The following LGALSL variants were observed in gnomAD, a reference collection of about 807,000 sequenced individuals.
LGALSL encodes the protein galectin-related protein.
In LGALSL, 13 loss-of-function variants were observed where a neutral mutation model predicts 19.5. That is an observed-to-expected ratio of 0.67 (90% CI 0.43 to 1.06). The LOEUF (loss-of-function observed/expected upper bound fraction) is 1.06, where lower values mean the gene tolerates loss of function less well. Ranked by LOEUF, LGALSL falls within the 50% of genes least tolerant of loss-of-function variation. The pLI, the probability that LGALSL is intolerant of heterozygous loss-of-function variation, is 0.00. For missense variants in LGALSL, 189 were observed against 219.3 expected (o/e 0.86, Z 0.87); for synonymous variants, 86 against 78.3 (o/e 1.10, Z -0.52).
At position 64,456,438 on chromosome 2, in the gene LGALSL, T is replaced by C; in HGVS notation, c.348T>C (p.Phe116=). The C allele has an allele frequency of 1.3e-6, 2 of 1,597,274 alleles. No homozygotes were observed. The highest frequency in any genetic ancestry group is 1.7e-6 in the Non-Finnish European group (2 of 1,171,254). The change falls in exon 4 of 5, where the codon TTT becomes TTC. Residue 116 remains phenylalanine (F), a synonymous_variant. Coordinates refer to ENST00000238875, the MANE Select transcript of LGALSL (RefSeq NM_014181.3). ...RGEEQSAIPY[F]PFIPDQPFRV... Reference sequence around the variant, plus strand: ...AAGAACAGTCAGCAATCCCTTACTTTCCATTCATTCCAGACCAGCCATTCA... The same window carrying C: ...AAGAACAGTCAGCAATCCCTTACTTCCCATTCATTCCAGACCAGCCATTCA...
intron 3 of LGALSL, 159 bp from the exon 4 acceptor site, chr2:64,456,129 C>A: frequency 1.7e-6 from 1 of 577,280 alleles, no homozygotes; most frequent in Non-Finnish European, 3.0e-6. Context: ...ACAAAATAAG[C>A]TGGTTTGACT....
intron 4 of LGALSL, among the ~76,000 whole-genome samples, chr2:64,457,296 C>T (rs1228850366): frequency 6.6e-6 from 1 of 151,836 alleles, no homozygotes; most frequent in African/African-American, 2.4e-5. Context: ...TGGTGTCACA[C>T]ACCTGTAGTC....
rs1254414386 is a variant in LGALSL, at chr2:64,454,395, GGCCCCGGGCGCGCGCGCGCGC to G, written c.-145_-125del. The G allele has an allele frequency of 1.8e-5, 7 of 383,746 alleles. No individual in the cohort carries two copies. The highest frequency in any genetic ancestry group is 3.8e-5 in the East Asian group (1 of 26,364). 23.8% of individuals were successfully genotyped at this position (383,746 alleles called of 1,614,324 possible). A position where few individuals can be genotyped will look rare whatever the true frequency, so the allele number is the denominator to read the frequency against. On this transcript the variant is annotated 5_prime_UTR_variant, in exon 1 of 5. Transcript: ENST00000238875. This position sits in a 1 kb window ranked among gnomAD's most constrained non-coding sequence, Gnocchi z 5.1. The stretch of plus-strand genomic sequence containing the variant: ...GGCTCTGCCTGCCAGGTCGGCGCCG[GGCCCCGGGCGCGCGCGCGCGC>G]GCCCCCTCGTGTGTGCGCGCGCCCG...
chr2:64,460,554 A>G lies in LGALSL; in HGVS notation c.*2126A>G, dbSNP rs534814972. 8 of 152,356 alleles carry G rather than the reference A, an allele frequency of 5.3e-5. No individual in the cohort carries two copies. The highest frequency in any genetic ancestry group is 1.9e-4 in the African/African-American group (8 of 41,588). 9.4% of individuals were successfully genotyped at this position (152,356 alleles called of 1,614,324 possible). ...GACACGCTTATTCTGTCTACCTATC[A>G]GCTAACTCATTAGCAGCCAAGCCCT... On this transcript the variant is annotated 3_prime_UTR_variant, in exon 5 of 5. Coordinates refer to ENST00000238875, the MANE Select transcript of LGALSL (RefSeq NM_014181.3).
Position 64,458,342 on chromosome 2 carries a change from T to C in LGALSL, c.433T>C (p.Phe145Leu). 6.2e-7 allele frequency: 1 copy of C among 1,614,068 alleles called. No individual in the cohort carries two copies. Among genetic ancestry groups the C allele is most frequent in the Non-Finnish European group, 8.5e-7 (1 of 1,179,922 alleles). ...AGTGTTTGTGGATGGACACCAACTT[T>C]TTGATTTTTACCATCGCATTCAAAC... ...FRVFVDGHQL[F>L]DFYHRIQTLS... Residue 145 changes from phenylalanine to leucine, a missense_variant, in exon 5 of 5, where the codon TTT (phenylalanine) becomes CTT (leucine). Phe to Leu is a conservative substitution (Grantham distance 22, BLOSUM62 0). This residue lies in a region of LGALSL where 106 missense variants were observed against 119.3 expected (regional missense o/e 0.89). Transcript: ENST00000238875.
At chr2:64,456,946 C>T (rs968570472) in intron 4 of LGALSL, among the ~76,000 whole-genome samples, 2 of 152,094 alleles carry the variant, frequency 1.3e-5, no homozygotes, top group African/African-American at 4.8e-5. Context: ...CTTGTTTCCC[C>T]CTCTGGATTA....
Position 64,459,486 on chromosome 2 carries a change from A to G in LGALSL, c.*1058A>G, listed in dbSNP as rs1017953822. ...AATAACTTACTTGGAAGTAATTTAT[A>G]TCAACTTAAGCTGTTAGCTCATTGT... On this transcript the variant is annotated 3_prime_UTR_variant, in exon 5 of 5. Coordinates refer to ENST00000238875, the MANE Select transcript of LGALSL (RefSeq NM_014181.3). 6.6e-6 allele frequency: 1 copy of G among 152,242 alleles called. No individual in the cohort carries two copies. The highest frequency in any genetic ancestry group is 2.4e-5 in the African/African-American group (1 of 41,464). 9.4% of individuals were successfully genotyped at this position (152,242 alleles called of 1,614,324 possible).
In LGALSL at chr2:64,455,372, C is replaced by G. The variant is rs751380532; in HGVS notation, c.65C>G (p.Ser22Cys). 1.2e-6 allele frequency: 2 copies of G among 1,613,816 alleles called. No homozygotes were observed. The highest frequency in any genetic ancestry group is 1.7e-6 in the Non-Finnish European group (2 of 1,179,784). Residue 22 changes from serine (S) to cysteine (C), a missense_variant, in exon 2 of 5, where the codon TCT becomes TGT. By Grantham distance (112) the Ser-to-Cys change is moderately radical. Transcript: ENST00000238875. Reference sequence around the variant, plus strand: ...CTAGATGATGGCCATTTAAACAACTCTTTGAGCTCTCCAGTTCAAGCGGAC... The same window carrying G: ...CTAGATGATGGCCATTTAAACAACTGTTTGAGCTCTCCAGTTCAAGCGGAC... ...VKLDDGHLNN[S>C]LSSPVQADVY...
At position 64,458,219 on chromosome 2, in the gene LGALSL, G is replaced by A. The variant is rs1016877452; in HGVS notation, c.376-66G>A. On this transcript the variant is annotated intron_variant, in intron 4 of 4. Coordinates refer to ENST00000238875, the MANE Select transcript of LGALSL (RefSeq NM_014181.3). ...GATACTGCCTTTCTTTCTCTAAAAT[G>A]AAGTATTGTTTGTTTTCCCCAGTAG... is the stretch of plus-strand genomic sequence containing the variant. The A allele has an allele frequency of 1.5e-5, 22 of 1,432,314 alleles. No individual in the cohort carries two copies. In the South Asian group the frequency reaches 1.8e-4, roughly 12 times the overall value. The allele number at this position is 1,432,314 out of a possible 1,614,324, so 88.7% of individuals were successfully genotyped here. A position where few individuals can be genotyped will look rare whatever the true frequency, so the allele number is the denominator to read the frequency against.
chr2:64,454,510 C>CGAGG lies in LGALSL; in HGVS notation c.-36_-35insGAGG. ...CAGCCCCGGGATCCCCGCCCGCGCGCCGCGTCCCACGTACCCCGCCGCGCC... is the reference window on the plus strand; with the variant it reads ...CAGCCCCGGGATCCCCGCCCGCGCGCGAGGCGCGTCCCACGTACCCCGCCGCGCC... On this transcript the variant is annotated 5_prime_UTR_variant, in exon 1 of 5. Transcript: ENST00000238875. This position sits in a 1 kb window ranked among gnomAD's most constrained non-coding sequence, Gnocchi z 5.1. The CGAGG allele has an allele frequency of 7.4e-7, 1 of 1,346,708 alleles. No homozygotes were observed. Among genetic ancestry groups the CGAGG allele is most frequent in the South Asian group, 1.7e-5 (1 of 59,678 alleles). The allele number at this position is 1,346,708 out of a possible 1,614,324, so 83.4% of individuals were successfully genotyped here. A position where few individuals can be genotyped will look rare whatever the true frequency, so the allele number is the denominator to read the frequency against.
Position 64,460,949 on chromosome 2 carries a change from T to A in LGALSL, c.*2521T>A, listed in dbSNP as rs1250940818. ...GCAGGCTTTAGACAATCTGTCCATT[T>A]CTACAGTAAAATTGGAGTGAGTGTG... On this transcript the variant is annotated 3_prime_UTR_variant, in exon 5 of 5. Coordinates refer to ENST00000238875, the MANE Select transcript of LGALSL (RefSeq NM_014181.3). The A allele has an allele frequency of 3.3e-5, 5 of 152,232 alleles. No homozygotes were observed. Among genetic ancestry groups the A allele is most frequent in the Non-Finnish European group, 5.9e-5 (4 of 68,036 alleles). The allele number at this position is 152,232 out of a possible 1,614,324, so 9.4% of individuals were successfully genotyped here.
At chr2:64,455,960 A>G (rs1323242931) in intron 3 of LGALSL, among the ~76,000 whole-genome samples, 1 of 149,828 alleles carries the variant, frequency 6.7e-6, no homozygotes, top group Non-Finnish European at 1.5e-5. Flanking sequence ...GTTTTGAAAC[A>G]TGGTGCCAGG....
Position 64,454,572 on chromosome 2 carries a change from T to C in LGALSL, c.27T>C (p.Asp9=). 1.4e-6 allele frequency: 2 copies of C among 1,452,752 alleles called. No individual in the cohort carries two copies. Among genetic ancestry groups the C allele is most frequent in the Non-Finnish European group, 1.8e-6 (2 of 1,099,838 alleles). The allele number at this position is 1,452,752 out of a possible 1,614,324, so 90.0% of individuals were successfully genotyped here. Residue 9 remains aspartate, a synonymous_variant, in exon 1 of 5, where the codon GAT becomes GAC. Coordinates refer to ENST00000238875, the MANE Select transcript of LGALSL (RefSeq NM_014181.3). The surrounding 1 kb of genome is among the most constrained non-coding windows in gnomAD (Gnocchi z 5.1). ...TGGCGGGATCAGTGGCCGACAGCGATGCCGTGGTGGTGAGTGTGGCAGGGC... is the reference window on the plus strand; with the variant it reads ...TGGCGGGATCAGTGGCCGACAGCGACGCCGTGGTGGTGAGTGTGGCAGGGC... The part of the protein sequence containing the change: MAGSVADS[D]AVVKLDDGHL...
intron 4 of LGALSL, among the ~76,000 whole-genome samples, chr2:64,456,685 T>C (rs1222337219): frequency 6.6e-6 from 1 of 152,222 alleles, no homozygotes; most frequent in Non-Finnish European, 1.5e-5. Flanking sequence ...TACATTTAAA[T>C]AGACCCATAT....
chr2:64,455,568 T>G (rs747858608), intron 2 of LGALSL, 21 bp from the exon 3 acceptor site: 2 of 1,608,136 alleles, frequency 1.2e-6, no homozygotes, highest in Admixed American at 1.7e-5. Context: ...AAATTCATTT[T>G]TCTTCTCCCA....
Position 64,458,267 on chromosome 2 carries a change from T to G in LGALSL, c.376-18T>G. On this transcript the variant is annotated intron_variant, in intron 4 of 4. Transcript: ENST00000238875. ...TAGCGTTCATTGAAATTGTGGATTA[T>G]TATTTTGTTTCTTCCAGGTGGAAAT... 2 of 1,611,792 alleles carry G rather than the reference T, an allele frequency of 1.2e-6. No individual in the cohort carries two copies. Among genetic ancestry groups the G allele is most frequent in the Non-Finnish European group, 1.7e-6 (2 of 1,178,500 alleles).
At position 64,455,606 on chromosome 2, in the gene LGALSL, G is replaced by A. The variant is rs892685498; in HGVS notation, c.126G>A (p.Gly42=). 3.1e-6 allele frequency: 5 copies of A among 1,613,856 alleles called. No homozygotes were observed. Among genetic ancestry groups the A allele is most frequent in the Admixed American group, 1.7e-5 (1 of 60,014 alleles). Residue 42 remains glycine (G), a synonymous_variant, in exon 3 of 5, where the codon GGG becomes GGA. Coordinates refer to ENST00000238875, the MANE Select transcript of LGALSL (RefSeq NM_014181.3). ...YFPRLIVPFC[G]HIKGGMRPGK... ...CTTTTCAGATAGTTCCATTTTGTGGGCACATTAAAGGTGGCATGAGACCAG... is the reference window on the plus strand; with the variant it reads ...CTTTTCAGATAGTTCCATTTTGTGGACACATTAAAGGTGGCATGAGACCAG...
rs1686719895 is a variant in LGALSL, at chr2:64,455,440, T to C, written c.108+25T>C. 2.5e-6 allele frequency: 4 copies of C among 1,579,168 alleles called. No individual in the cohort carries two copies. The South Asian group carries it at 4.4e-5, about 17-fold the overall frequency. On this transcript the variant is annotated intron_variant, in intron 2 of 4. Transcript: ENST00000238875. The stretch of plus-strand genomic sequence containing the variant: ...GGTAAATGATTTTGCTCTGTGTCTC[T>C]GCCTGTACCTTCCTCCTTTCTCATT...
In LGALSL at chr2:64,458,240, A is replaced by G. The variant is rs180967510; in HGVS notation, c.376-45A>G. 8.5e-4 allele frequency: 1,333 copies of G among 1,577,404 alleles called. 5 individuals are homozygous for G. The highest frequency in any genetic ancestry group is 1.1e-3 in the Admixed American group (67 of 59,522). ...AAATGAAGTATTGTTTGTTTTCCCC[A>G]GTAGCGTTCATTGAAATTGTGGATT... On this transcript the variant is annotated intron_variant, in intron 4 of 4. Transcript: ENST00000238875.
Sources: allele counts gnomAD v4.1 joint callset (sites outside exome capture counted in the v4.1 genomes callset), GRCh38; gene constraint gnomAD v4.1.1; regional missense constraint gnomAD v4.1.1; non-coding constraint Gnocchi (gnomAD v3.1); transcripts MANE v1.5; gene names NCBI Gene and HGNC (gene_info 2026-07-23, HGNC 2026-07-21).